Variants in ANK1 observed in about 807,000 individuals in gnomAD.
ANK1 encodes ankyrin 1.
ANK1 carries 51 observed loss-of-function variants against 210.4 expected under a neutral mutation model. The ratio of observed to expected loss-of-function variants is 0.24; its 90% CI spans 0.19 to 0.31. The LOEUF (loss-of-function observed/expected upper bound fraction) is 0.31, where lower values mean the gene tolerates loss of function less well. Ranked by LOEUF, ANK1 falls within the 10% of genes least tolerant of loss-of-function variation. The pLI, the probability that ANK1 is intolerant of heterozygous loss-of-function variation, is 1.00. For synonymous variants in ANK1, 967 were observed against 1,025.9 expected (o/e 0.94, Z 1.10); for missense variants, 2,051 against 2,504.4 (o/e 0.82, Z 3.86).
Position 41,741,242 on chromosome 8 carries a change from G to A in ANK1, c.130-7173C>T, listed in dbSNP as rs912273246. ...ACATGAGGGAAAGATCTGGAGAAGC[G>A]GTGAAAGCTTTGTGTCCGTTCCTCC... is the stretch of plus-strand genomic sequence containing the variant. On this transcript the variant is annotated intron_variant, in intron 2 of 42. Transcript: ENST00000289734. Among the ~76,000 whole-genome samples, 9 of 152,156 alleles carry A rather than the reference G, an allele frequency of 5.9e-5. 1 individual carries two copies. Among genetic ancestry groups the A allele is most frequent in the South Asian group, 2.1e-4 (1 of 4,834 alleles).
rs1430290532 is a variant in ANK1, at chr8:41,748,955, A to G, written c.129+9081T>C. ...GGGGCTGAGGCAGGAGAATGGCATG[A>G]ACCTGGGAGGCGGAGCTTGCAGTGA... On this transcript the variant is annotated intron_variant, in intron 2 of 42. Transcript: ENST00000289734. Among the ~76,000 whole-genome samples, 4 of 152,010 alleles carry G rather than the reference A, an allele frequency of 2.6e-5. No individual in the cohort carries two copies. In the East Asian group the frequency reaches 7.8e-4, roughly 30 times the overall value.
intron 1 of ANK1, among the ~76,000 whole-genome samples, chr8:41,814,166 C>A (rs1802928764): frequency 6.6e-6 from 1 of 152,080 alleles, no homozygotes; most frequent in African/African-American, 2.4e-5. Context: ...TCAAGACCAG[C>A]CTGGCCAACA....
chr8:41,847,193 G>A (rs1432653657), intron 1 of ANK1, among the ~76,000 whole-genome samples: 2 of 152,206 alleles, frequency 1.3e-5, no homozygotes, highest in African/African-American at 2.4e-5. Context: ...AACACTAGGA[G>A]TTCACCTCTT....
intron 29 of ANK1, 43 bp downstream of exon 29, chr8:41,693,855 C>G: frequency 1.3e-6 from 2 of 1,563,798 alleles, no homozygotes; most frequent in Admixed American, 1.9e-5. Context: ...TCCAGACGCA[C>G]TGCAGCAGCC....
intron 36 of ANK1, 74 bp downstream of exon 36, chr8:41,686,078 T>C (rs1365586863): frequency 7.5e-6 from 12 of 1,608,078 alleles, no homozygotes; most frequent in Non-Finnish European, 7.7e-6. Context: ...GTGTCATGAA[T>C]GGAATTTGAA....
intron 1 of ANK1, among the ~76,000 whole-genome samples, chr8:41,769,808 G>GTA (rs1842633537): frequency 1.3e-5 from 2 of 152,080 alleles, no homozygotes; most frequent in South Asian, 4.2e-4. Context: ...TCAAGACTTG[G>GTA]TATGATCTGT....
chr8:41,696,226 G>A, intron 26 of ANK1, 137 bp downstream of exon 26: 1 of 959,762 alleles, frequency 1.0e-6, no homozygotes, highest in Non-Finnish European at 1.6e-6. Flanking sequence ...CAGGGCTATG[G>A]ACACCTTCGT....
At chr8:41,748,207 C>T (rs993690088) in intron 2 of ANK1, among the ~76,000 whole-genome samples, 17 of 152,310 alleles carry the variant, frequency 1.1e-4, no homozygotes, top group African/African-American at 3.4e-4. Flanking sequence ...TCCAATGAAA[C>T]GTTCTTTCTT....
At chr8:41,688,086 T>G (rs548754663) in intron 35 of ANK1, 70 bp downstream of exon 35, 69 of 1,513,744 alleles carry the variant, frequency 4.6e-5, no homozygotes, top group Non-Finnish European at 5.7e-5. Flanking sequence ...GCCTCATTCA[T>G]TGCTCATTAC....
At chr8:41,801,205 G>A (rs990912083), upstream of ANK1, among the ~76,000 whole-genome samples, 10 of 152,146 alleles carry the variant, frequency 6.6e-5, no homozygotes, top group African/African-American at 2.4e-4. Flanking sequence ...TGAACTCCTG[G>A]GCTCAAGCAA....
intron 1 of ANK1, among the ~76,000 whole-genome samples, chr8:41,823,986 G>A (rs1308816579): frequency 6.6e-6 from 1 of 152,082 alleles, no homozygotes; most frequent in Admixed American, 6.6e-5. Flanking sequence ...TTGAGACAGA[G>A]TCTCGCTCTG....
At chr8:41,688,678 G>C in intron 33 of ANK1, 89 bp from the exon 34 acceptor site, 1 of 1,157,892 alleles carries the variant, frequency 8.6e-7, no homozygotes, top group Non-Finnish European at 1.3e-6. Context: ...CAGGGGTGTG[G>C]AAGGCTGACC....
intron 1 of ANK1, among the ~76,000 whole-genome samples, chr8:41,818,853 G>A (rs1422856819): frequency 6.6e-6 from 1 of 152,172 alleles, no homozygotes; most frequent in Non-Finnish European, 1.5e-5. Context: ...GCACAGATAA[G>A]GGATTGTGCA....
chr8:41,853,914 C>T (rs933538763), intron 1 of ANK1, among the ~76,000 whole-genome samples: 4 of 152,158 alleles, frequency 2.6e-5, no homozygotes, highest in African/African-American at 9.7e-5. Flanking sequence ...GCAGGAGCCA[C>T]CGCACTTGAC....
intron 1 of ANK1, chr8:41,896,234 G>T: frequency 7.5e-7 from 1 of 1,331,488 alleles, no homozygotes; most frequent in Non-Finnish European, 9.7e-7. Context: ...CCGCTCGGGT[G>T]CCGCCAACTC....
chr8:41,734,154 A>T, intron 2 of ANK1, 85 bp from the exon 3 acceptor site: 1 of 1,170,264 alleles, frequency 8.5e-7, no homozygotes, highest in African/African-American at 1.5e-5. Context: ...GCCCCTTCCC[A>T]GCCCTGAGGT....
chr8:41,692,642 T>C lies in ANK1; in HGVS notation c.3858+6A>G, dbSNP rs761663144. ...CCAGAGGCGGTGCAGGGCCCAGCCC[T>C]GTTACCTCTATGTCCCTGCTCCGGG... On this transcript the variant is annotated splice_donor_region_variant and intron_variant, in intron 31 of 42. Transcript: ENST00000289734. 1 of 1,611,904 alleles carries C rather than the reference T, an allele frequency of 6.2e-7. No individual in the cohort carries two copies.
intron 1 of ANK1, among the ~76,000 whole-genome samples, chr8:41,803,089 GAAAGGAAAGGA>G (rs1850374298): frequency 4.6e-5 from 2 of 43,246 alleles, no homozygotes; most frequent in African/African-American, 6.9e-5. Flanking sequence ...GGAAGGGAAG[GAAAGGAAAGGA>G]AAGGAAAGGA....
At chr8:41,808,530 T>C (rs1032664387) in intron 1 of ANK1, among the ~76,000 whole-genome samples, 2 of 152,040 alleles carry the variant, frequency 1.3e-5, no homozygotes, top group Non-Finnish European at 2.9e-5. Context: ...CCAGGTGTGG[T>C]GGCGGCCACC....
Sources: gnomAD v4.1 joint callset for allele counts (sites outside exome capture counted in the v4.1 genomes callset) on GRCh38, gnomAD v4.1.1 for gene constraint, MANE v1.5 for transcripts, NCBI Gene and HGNC (gene_info 2026-07-23, HGNC 2026-07-21) for gene names.